LAMC3: variants seen among roughly 807,000 people sequenced by gnomAD.
The protein encoded by LAMC3 is laminin subunit gamma-3.
A neutral mutation model predicts 173.8 loss-of-function variants in LAMC3; 128 were observed. The observed-to-expected ratio is 0.74, with a 90% confidence interval of 0.64 to 0.85. The LOEUF is 0.85. LAMC3 is among the 40% of genes least tolerant of loss of function. The pLI, the probability that LAMC3 is intolerant of heterozygous loss-of-function variation, is 0.00. For missense variants in LAMC3, 2,022 were observed against 2,156.0 expected (o/e 0.94, Z 1.23); for synonymous variants, 897 against 909.1 (o/e 0.99, Z 0.24).
Position 131,069,716 on chromosome 9 carries a change from G to A in LAMC3, c.2935G>A (p.Glu979Lys), listed in dbSNP as rs377457257. 52 of 1,603,882 alleles carry A rather than the reference G, an allele frequency of 3.2e-5. No individual in the cohort carries two copies. Among genetic ancestry groups the A allele is most frequent in the Non-Finnish European group, 4.1e-5 (48 of 1,176,400 alleles). Residue 979 changes from glutamate (E) to lysine (K), a missense_variant, in exon 17 of 28, where the codon GAG becomes AAG. Physicochemically the swap from Glu to Lys is moderately conservative, Grantham distance 56 (BLOSUM62 1). Coordinates refer to ENST00000361069, the MANE Select transcript of LAMC3 (RefSeq NM_006059.4). ...PLGAASAQCH[E>K]NGTCVCRPGF... The stretch of plus-strand genomic sequence containing the variant: ...GGGCGCTGCCTCGGCCCAGTGCCAC[G>A]AGAACGGCACATGCGTGTGCAGGCC...
intron 2 of LAMC3, among the ~76,000 whole-genome samples, chr9:131,030,060 C>T (rs1164230835): frequency 6.6e-6 from 1 of 152,066 alleles, no homozygotes; most frequent in Non-Finnish European, 1.5e-5. Flanking sequence ...CTTGCCTCAG[C>T]CTCCCAAGTA....
At position 131,069,804 on chromosome 9, in the gene LAMC3, C is replaced by A; in HGVS notation, c.3023C>A (p.Thr1008Lys). The A allele has an allele frequency of 1.3e-6, 2 of 1,594,902 alleles. No homozygotes were observed. The highest frequency in any genetic ancestry group is 1.7e-6 in the Non-Finnish European group (2 of 1,170,654). ...HDNFFLTADG[T>K]HCQQCPSCYA... ...AACTTCTTCCTCACGGCAGACGGCACACACTGCCAGCAATGTCCGTCCTGC... is the reference window on the plus strand; with the variant it reads ...AACTTCTTCCTCACGGCAGACGGCAAACACTGCCAGCAATGTCCGTCCTGC... Residue 1008 changes from threonine to lysine, a missense_variant, in exon 17 of 28, where the codon ACA becomes AAA. By Grantham distance (78) the Thr-to-Lys change is moderately conservative. Transcript: ENST00000361069.
intron 16 of LAMC3, among the ~76,000 whole-genome samples, chr9:131,069,288 C>G (rs1245669658): frequency 6.6e-6 from 1 of 152,174 alleles, no homozygotes; most frequent in Non-Finnish European, 1.5e-5. Context: ...GCCCAAGTCT[C>G]TGGCCCTCTG....
At chr9:131,041,834 G>A (rs1484869642) in intron 7 of LAMC3, 99 bp downstream of exon 7, 14 of 998,156 alleles carry the variant, frequency 1.4e-5, no homozygotes, top group East Asian at 5.1e-5. Flanking sequence ...CAAGGGGCAC[G>A]GTCTTCATGG....
At chr9:131,069,917 C>T in intron 17 of LAMC3, 67 bp downstream of exon 17, 3 of 1,482,996 alleles carry the variant, frequency 2.0e-6, no homozygotes, top group Non-Finnish European at 2.8e-6. Context: ...CAGCTCTATG[C>T]CGGGCACCAG....
intron 21 of LAMC3, 134 bp from the exon 22 acceptor site, chr9:131,077,053 C>A: frequency 3.3e-6 from 4 of 1,197,786 alleles, no homozygotes; most frequent in Non-Finnish European, 4.8e-6. Context: ...GCAGCTGTAC[C>A]TACCCCGCAG....
intron 4 of LAMC3, among the ~76,000 whole-genome samples, chr9:131,037,230 C>T (rs1833963372): frequency 6.6e-6 from 1 of 152,202 alleles, no homozygotes; most frequent in Admixed American, 6.5e-5. Flanking sequence ...ACACAGAGGC[C>T]AGACTGCTTC....
At chr9:131,072,551 G>T (rs1194602881) in intron 18 of LAMC3, 79 bp from the exon 19 acceptor site, 23 of 1,264,310 alleles carry the variant, frequency 1.8e-5, no homozygotes, top group Middle Eastern at 2.6e-4. Flanking sequence ...GGAGGCCACA[G>T]AAGGGGACCC....
Position 131,009,582 on chromosome 9 carries a change from G to A in LAMC3, c.368G>A (p.Arg123His), listed in dbSNP as rs140461419. 2.5e-6 allele frequency: 4 copies of A among 1,570,554 alleles called. No individual in the cohort carries two copies. Among genetic ancestry groups the A allele is most frequent in the East Asian group, 2.4e-5 (1 of 42,320 alleles). ...CCCACCTCGGTCAACATCACCCTCC[G>A]CCTAGGTAAGCGCGGGCTGGGGGCA... The part of the protein sequence containing the change: ...QYPTSVNITL[R>H]LGKAYEITYV... Residue 123 changes from arginine to histidine, a missense_variant, in exon 1 of 28, where the codon CGC becomes CAC. Physicochemically the swap from Arg to His is conservative, Grantham distance 29. Coordinates refer to ENST00000361069, the MANE Select transcript of LAMC3 (RefSeq NM_006059.4). The surrounding 1 kb of genome is among the most constrained non-coding windows in gnomAD (Gnocchi z 4.3).
chr9:131,072,671 G>T lies in LAMC3; in HGVS notation c.3253G>T (p.Gly1085Cys), dbSNP rs760950337. 8.1e-6 allele frequency: 13 copies of T among 1,611,396 alleles called. No individual in the cohort carries two copies. The South Asian group carries it at 1.1e-4, about 14-fold the overall frequency. Residue 1085 changes from glycine to cysteine, a missense_variant, in exon 19 of 28, where the codon GGT (glycine) becomes TGT (cysteine). Transcript: ENST00000361069. ...AFLEQMMSLEGAVKAAREQLQ... is the reference protein window; with the variant it reads ...AFLEQMMSLECAVKAAREQLQ... ...CCTGGAGCAGATGATGAGCCTCGAG[G>T]GTGCTGTCAAGGCCGCCCGGGAGCA...
At chr9:131,014,730 T>C (rs1248330571) in intron 1 of LAMC3, among the ~76,000 whole-genome samples, 1 of 152,152 alleles carries the variant, frequency 6.6e-6, no homozygotes, top group Non-Finnish European at 1.5e-5. Context: ...CCCAGCACTT[T>C]GGGAGGCAGA....
intron 1 of LAMC3, among the ~76,000 whole-genome samples, chr9:131,018,083 A>C (rs1833557359): frequency 6.6e-6 from 1 of 152,162 alleles, no homozygotes; most frequent in Admixed American, 6.5e-5. Context: ...TTTGTGATGA[A>C]AAAGTTTCTT....
At chr9:131,063,022 G>A (rs1007211104) in intron 13 of LAMC3, among the ~76,000 whole-genome samples, 5 of 152,288 alleles carry the variant, frequency 3.3e-5, no homozygotes, top group Admixed American at 2.0e-4. Context: ...TTTGGATCTG[G>A]CTTGTTTCAT....
Position 131,082,050 on chromosome 9 carries a change from T to G in LAMC3, c.3928-9T>G. ...GCCAGCTGCCCAGCCTCTCCTCATC[T>G]CTCTCCAGCTGCACCAGGAGGCCAG... On this transcript the variant is annotated splice_polypyrimidine_tract_variant and intron_variant, in intron 23 of 27. Transcript: ENST00000361069. The G allele has an allele frequency of 1.2e-6, 2 of 1,611,204 alleles. No individual in the cohort carries two copies.
chr9:131,022,585 G>A (rs1833646961), intron 1 of LAMC3, among the ~76,000 whole-genome samples: 1 of 151,810 alleles, frequency 6.6e-6, no homozygotes, highest in African/African-American at 2.4e-5. Context: ...TTTTGAGACA[G>A]GGTCTCACTC....
chr9:131,072,892 C>A (rs1364716475), intron 19 of LAMC3, 57 bp downstream of exon 19: 1 of 1,501,094 alleles, frequency 6.7e-7, no homozygotes, highest in Non-Finnish European at 9.1e-7. Context: ...GGTCCCTGCC[C>A]CAGCCCTCCC....
At chr9:131,039,904 C>T (rs900284065) in intron 6 of LAMC3, among the ~76,000 whole-genome samples, 4 of 151,730 alleles carry the variant, frequency 2.6e-5, no homozygotes, top group Admixed American at 6.6e-5. Context: ...GACAGGGGCT[C>T]CTGGGGTCTG....
intron 23 of LAMC3, among the ~76,000 whole-genome samples, chr9:131,079,562 C>T (rs1458544760): frequency 1.3e-5 from 2 of 152,082 alleles, no homozygotes; most frequent in Non-Finnish European, 2.9e-5. Flanking sequence ...GGCATGGTGG[C>T]ATGTGCCTAT....
intron 7 of LAMC3, among the ~76,000 whole-genome samples, chr9:131,043,957 C>T (rs1834101411): frequency 7.4e-6 from 1 of 134,720 alleles, no homozygotes; most frequent in African/African-American, 2.9e-5. Context: ...TAGTGACTTG[C>T]TGCTTTTTTT....
Sources: allele counts gnomAD v4.1 joint callset (sites outside exome capture counted in the v4.1 genomes callset), GRCh38; gene constraint gnomAD v4.1.1; non-coding constraint Gnocchi (gnomAD v3.1); transcripts MANE v1.5; gene names NCBI Gene and HGNC (gene_info 2026-07-23, HGNC 2026-07-21).